VEGFD: variants seen among roughly 807,000 people sequenced by gnomAD.
The protein encoded by VEGFD is vascular endothelial growth factor D, also known as c-fos induced growth factor (vascular endothelial growth factor D).
VEGFD carries 26 observed loss-of-function variants against 28.0 expected under a neutral mutation model. The observed-to-expected ratio is 0.93, with a 90% CI of 0.68 to 1.29. The LOEUF (loss-of-function observed/expected upper bound fraction) is 1.29. VEGFD is among the 50% of genes most tolerant of loss of function. The probability of loss-of-function intolerance (pLI) is 0.00; values close to 1 mark genes in which losing one functional copy is unlikely to be tolerated. For synonymous variants in VEGFD, 93 were observed against 95.5 expected, an observed-to-expected ratio of 0.97 and a Z score of 0.15; for missense variants, 294 against 273.4, an observed-to-expected ratio of 1.08 and a Z score of -0.53.
In VEGFD at chrX:15,369,536, C is replaced by A. The variant is rs377295101; in HGVS notation, c.91-6217G>T. On this transcript the variant is annotated intron_variant, in intron 1 of 6. Transcript: ENST00000297904. Reference sequence around the variant, plus strand: ...TGTAATGGATATGGAGCAACAGGAACCCTCACACAAGGCTGATGAAACTGT... The same window carrying A: ...TGTAATGGATATGGAGCAACAGGAAACCTCACACAAGGCTGATGAAACTGT... Among the ~76,000 whole-genome samples the A allele has an allele frequency of 2.1e-4, 23 of 111,643 alleles. No individual in the cohort carries two copies. The South Asian group carries it at 8.2e-3, about 40-fold the overall frequency.
chrX:15,352,148 G>A (rs905410031), intron 5 of VEGFD, among the ~76,000 whole-genome samples: 3 of 112,084 alleles, frequency 2.7e-5, no homozygotes, highest in East Asian at 2.8e-4. Context: ...CTGAGCTTTC[G>A]TGAAAACATT....
At chrX:15,382,033 A>G (rs566650070) in intron 1 of VEGFD, among the ~76,000 whole-genome samples, 2 of 112,111 alleles carry the variant, frequency 1.8e-5, no homozygotes, top group South Asian at 7.3e-4. Flanking sequence ...AAAACTTCAC[A>G]GTGCCAGCCG....
At chrX:15,351,506 T>C (rs912088755) in intron 5 of VEGFD, among the ~76,000 whole-genome samples, 2 of 111,538 alleles carry the variant, frequency 1.8e-5, no homozygotes, top group Non-Finnish European at 3.8e-5. Flanking sequence ...TGAGCCACCA[T>C]TCCCGGCCAA....
intron 2 of VEGFD, among the ~76,000 whole-genome samples, chrX:15,360,401 C>A (rs1203799535): frequency 9.5e-6 from 1 of 105,592 alleles, no homozygotes; most frequent in Non-Finnish European, 1.9e-5. Flanking sequence ...TGCAGCGGCG[C>A]GATCTCGGCT....
chrX:15,377,882 T>C (rs1923476388), intron 1 of VEGFD, among the ~76,000 whole-genome samples: 2 of 111,877 alleles, frequency 1.8e-5, no homozygotes, highest in South Asian at 7.5e-4. Context: ...AGGCTGGTCA[T>C]GTGGTATAAG....
At chrX:15,373,122 A>C (rs1923352240) in intron 1 of VEGFD, among the ~76,000 whole-genome samples, 1 of 112,322 alleles carries the variant, frequency 8.9e-6, no homozygotes, top group Non-Finnish European at 1.9e-5. Flanking sequence ...AAAAAGTACA[A>C]ATTATAATCT....
chrX:15,352,295 A>C (rs1922750095), intron 5 of VEGFD, among the ~76,000 whole-genome samples: 1 of 106,943 alleles, frequency 9.4e-6, no homozygotes, highest in Non-Finnish European at 1.9e-5. Context: ...AAACTGCATG[A>C]CTACTTGTGA....
At chrX:15,360,170 A>G (rs767565539) in intron 2 of VEGFD, among the ~76,000 whole-genome samples, 2 of 110,804 alleles carry the variant, frequency 1.8e-5, no homozygotes, top group Non-Finnish European at 3.8e-5. Context: ...CATCTTCTCC[A>G]TTCCTTTCTC....
In VEGFD at chrX:15,347,305, T is replaced by C. The variant is rs757857479; in HGVS notation, c.797A>G (p.Glu266Gly). ...TTTACAGACACACTCGCAACGATCTTCGTCAAACATCATGTGTGGCCCACA... is the reference window on the plus strand; with the variant it reads ...TTTACAGACACACTCGCAACGATCTCCGTCAAACATCATGTGTGGCCCACA... ...ALCGPHMMFD[E>G]DRCECVCKTP... The change falls in exon 6 of 7, where the codon GAA becomes GGA. Residue 266 changes from glutamate (E) to glycine (G), a missense_variant. Physicochemically the swap from Glu to Gly is moderately conservative, Grantham distance 98. Coordinates refer to ENST00000297904, the MANE Select transcript of VEGFD (RefSeq NM_004469.5). 3 of 1,211,382 alleles carry C rather than the reference T, an allele frequency of 2.5e-6. No homozygotes were observed. Among genetic ancestry groups the C allele is most frequent in the Non-Finnish European group, 2.2e-6 (2 of 895,296 alleles).
chrX:15,360,162 T>C (rs1022415774), intron 2 of VEGFD, among the ~76,000 whole-genome samples: 1 of 111,278 alleles, frequency 9.0e-6, no homozygotes, highest in Non-Finnish European at 1.9e-5. Context: ...CCTTATAACA[T>C]CTTCTCCATT....
At chrX:15,368,452 C>A (rs1238275931) in intron 1 of VEGFD, among the ~76,000 whole-genome samples, 6 of 112,319 alleles carry the variant, frequency 5.3e-5, no homozygotes, top group Non-Finnish European at 1.1e-4. Context: ...TGCAGACAGT[C>A]ATTTTGCTAT....
intron 2 of VEGFD, among the ~76,000 whole-genome samples, 197 bp from the exon 3 acceptor site, chrX:15,358,390 C>T (rs976985391): frequency 5.4e-5 from 6 of 111,781 alleles, no homozygotes; most frequent in African/African-American, 2.0e-4. Context: ...TGCTCTTTCC[C>T]ATTTATACCA....
intron 1 of VEGFD, among the ~76,000 whole-genome samples, chrX:15,381,823 A>G (rs1484293135): frequency 8.9e-6 from 1 of 112,641 alleles, no homozygotes; most frequent in Non-Finnish European, 1.9e-5. Flanking sequence ...TAGGGTGGAT[A>G]TAAGTTCAGT....
intron 3 of VEGFD, 119 bp from the exon 4 acceptor site, chrX:15,355,417 C>T (rs937900085): frequency 1.9e-6 from 1 of 531,971 alleles, no homozygotes; most frequent in Non-Finnish European, 2.8e-6. Flanking sequence ...CCAAGTTGTC[C>T]ATTAAGAATG....
At chrX:15,348,551 A>G (rs1217790906) in intron 5 of VEGFD, among the ~76,000 whole-genome samples, 3 of 112,043 alleles carry the variant, frequency 2.7e-5, no homozygotes, top group Non-Finnish European at 5.6e-5. Flanking sequence ...GCTTTCATAT[A>G]TCCTGTGTGT....
At position 15,380,530 on chromosome X, in the gene VEGFD, G is replaced by A. The variant is rs191064587; in HGVS notation, c.90+3327C>T. Among the ~76,000 whole-genome samples, 602 of 112,766 alleles carry A rather than the reference G, an allele frequency of 5.3e-3. 4 individuals are homozygous for A. The highest frequency in any genetic ancestry group is 0.018 in the African/African-American group (562 of 31,063). On this transcript the variant is annotated intron_variant, in intron 1 of 6. Coordinates refer to ENST00000297904, the MANE Select transcript of VEGFD (RefSeq NM_004469.5). ...AAAGACAGTACACAGGGAAGATAAAGCAGAAAGAAACAAATTCTGTCAGAA... is the reference window on the plus strand; with the variant it reads ...AAAGACAGTACACAGGGAAGATAAAACAGAAAGAAACAAATTCTGTCAGAA...
chrX:15,374,625 T>C (rs1923389598), intron 1 of VEGFD, among the ~76,000 whole-genome samples: 2 of 111,486 alleles, frequency 1.8e-5, no homozygotes, highest in South Asian at 7.4e-4. Flanking sequence ...TGGGGGGTGA[T>C]GGAATAGTTC....
At position 15,355,201 on chromosome X, in the gene VEGFD, C is replaced by G. The variant is rs748325706; in HGVS notation, c.590G>C (p.Arg197Pro). The change falls in exon 4 of 7, where the codon CGC becomes CCC. Residue 197 changes from arginine (R) to proline (P), a missense_variant. Arg to Pro is a moderately radical substitution (Grantham distance 103). Coordinates refer to ENST00000297904, the MANE Select transcript of VEGFD (RefSeq NM_004469.5). ...TCTTCTGATAATTGAGTATGGATGGCGGGGGGCTGTTGGCAAGCACTTACA... is the reference window on the plus strand; with the variant it reads ...TCTTCTGATAATTGAGTATGGATGGGGGGGGGCTGTTGGCAAGCACTTACA... ...TGCKCLPTAP[R>P]HPYSIIRRSI... 8.3e-7 allele frequency: 1 copy of G among 1,204,552 alleles called. No individual in the cohort carries two copies. The highest frequency in any genetic ancestry group is 3.0e-5 in the East Asian group (1 of 33,468).
intron 1 of VEGFD, among the ~76,000 whole-genome samples, chrX:15,367,917 C>G (rs1923183928): frequency 9.7e-6 from 1 of 103,399 alleles, no homozygotes; most frequent in East Asian, 3.0e-4. Flanking sequence ...GATCTCGCCA[C>G]TTGCACTCCA....
Sources: allele counts gnomAD v4.1 joint callset (sites outside exome capture counted in the v4.1 genomes callset), GRCh38; gene constraint gnomAD v4.1.1; transcripts MANE v1.5; gene names NCBI Gene and HGNC (gene_info 2026-07-23, HGNC 2026-07-21).